ST7: variants seen among roughly 807,000 people sequenced by gnomAD.
ST7 encodes suppressor of tumorigenicity 7 protein.
ST7 carries 28 observed loss-of-function variants against 78.7 expected under a neutral mutation model. The ratio of observed to expected loss-of-function variants is 0.36; its 90% CI spans 0.26 to 0.49. The LOEUF is 0.49. Among genes scored for constraint, ST7 ranks in the 20% least tolerant of loss-of-function variants. ST7 has a pLI of 0.99. For missense variants in ST7, 418 were observed against 696.0 expected, an observed-to-expected ratio of 0.60 and a Z score of 4.49; for synonymous variants, 247 against 249.6, an observed-to-expected ratio of 0.99 and a Z score of 0.10.
At chr7:117,121,686 G>A in intron 3 of ST7, among the ~76,000 whole-genome samples, 1 of 152,080 alleles carries the variant, frequency 6.6e-6, no homozygotes, top group Admixed American at 6.6e-5. Flanking sequence ...CCTTAGATTT[G>A]TATGTTTTCC....
intron 10 of ST7, among the ~76,000 whole-genome samples, chr7:117,183,587 C>T (rs1808966724): frequency 6.6e-6 from 1 of 152,130 alleles, no homozygotes; most frequent in Admixed American, 6.5e-5. Context: ...TTGCCTCATA[C>T]TCCCTTCTAG....
chr7:117,215,547 T>C (rs1489427397), intron 13 of ST7, among the ~76,000 whole-genome samples: 4 of 152,232 alleles, frequency 2.6e-5, no homozygotes, highest in African/African-American at 9.6e-5. Flanking sequence ...ACCAGCCTTT[T>C]GAGGCCTGTG....
intron 1 of ST7, among the ~76,000 whole-genome samples, chr7:116,960,964 G>T (rs1792795460): frequency 6.6e-6 from 1 of 152,132 alleles, no homozygotes; most frequent in South Asian, 2.1e-4. Context: ...TTACATTTAA[G>T]TCTCTAATCC....
intron 12 of ST7, among the ~76,000 whole-genome samples, chr7:117,203,977 A>G (rs1229863202): frequency 6.6e-6 from 1 of 152,246 alleles, no homozygotes; most frequent in Non-Finnish European, 1.5e-5. Flanking sequence ...TGAACAGAGA[A>G]GTGAACCAGG....
intron 2 of ST7, 138 bp from the exon 3 acceptor site, chr7:117,119,423 C>A: frequency 1.2e-6 from 1 of 847,578 alleles, no homozygotes; most frequent in Non-Finnish European, 1.7e-6. Context: ...TTACTAAAAT[C>A]TAATTTTTAG....
chr7:117,071,012 G>A (rs1231563807), intron 1 of ST7, among the ~76,000 whole-genome samples: 2 of 152,036 alleles, frequency 1.3e-5, no homozygotes, highest in African/African-American at 4.8e-5. Context: ...GAGGTCAGGA[G>A]ATCGAGACCA....
intron 1 of ST7, chr7:116,959,551 A>G (rs1314569291): frequency 1.2e-5 from 3 of 249,918 alleles, no homozygotes; most frequent in South Asian, 4.8e-5. Flanking sequence ...TTGGAACAAT[A>G]CAATTGATCA....
chr7:116,985,981 C>A (rs1008416146), intron 1 of ST7, among the ~76,000 whole-genome samples: 4 of 152,160 alleles, frequency 2.6e-5, no homozygotes, highest in African/African-American at 9.7e-5. Context: ...TACAGGCATG[C>A]ACCACCATGC....
chr7:117,144,649 A>C (rs1013037721), intron 9 of ST7, among the ~76,000 whole-genome samples: 2 of 150,702 alleles, frequency 1.3e-5, no homozygotes, highest in African/African-American at 4.9e-5. Flanking sequence ...AAAAAAAAAA[A>C]CCAAAATTCT....
At chr7:117,088,741 T>A (rs1016241019) in intron 1 of ST7, among the ~76,000 whole-genome samples, 12 of 152,184 alleles carry the variant, frequency 7.9e-5, no homozygotes, top group Non-Finnish European at 1.3e-4. Flanking sequence ...TCCTAGCACA[T>A]TTTGCATGGC....
chr7:117,131,806 A>T, intron 5 of ST7, 79 bp from the exon 6 acceptor site: 1 of 1,276,152 alleles, frequency 7.8e-7, no homozygotes, highest in Non-Finnish European at 1.1e-6. Context: ...TGACACTCCT[A>T]ATTTAGCTCT....
intron 1 of ST7, among the ~76,000 whole-genome samples, chr7:116,965,119 C>G (rs990390172): frequency 1.3e-5 from 2 of 152,268 alleles, no homozygotes; most frequent in Middle Eastern, 3.4e-3. Context: ...GCGGGCAGAT[C>G]ATGAGGTCAG....
intron 12 of ST7, among the ~76,000 whole-genome samples, chr7:117,200,138 A>G (rs1323793326): frequency 6.6e-6 from 1 of 152,186 alleles, no homozygotes; most frequent in Non-Finnish European, 1.5e-5. Flanking sequence ...TTGTACAAAA[A>G]CAAATAATTT....
At position 117,130,584 on chromosome 7, in the gene ST7, C is replaced by T. The variant is rs769562962; in HGVS notation, c.543C>T (p.Asp181=). The change falls in exon 5 of 16, where the codon GAC becomes GAT. Residue 181 remains aspartate (D), a synonymous_variant. Transcript: ENST00000323984. The part of the protein sequence containing the change: ...DHQTFFTCDS[D]HLRPADAIMQ... ...AGACATTCTTTACTTGTGACTCGGA[C>T]CATCTGCGTCCCGCAGATGCAAGTA... The T allele has an allele frequency of 6.2e-7, 1 of 1,610,388 alleles. No homozygotes were observed. The highest frequency in any genetic ancestry group is 1.1e-5 in the South Asian group (1 of 90,896).
chr7:117,001,150 A>G (rs1264894320), intron 1 of ST7, among the ~76,000 whole-genome samples: 2 of 152,226 alleles, frequency 1.3e-5, no homozygotes, highest in Non-Finnish European at 2.9e-5. Context: ...TAGATGATTT[A>G]AAAACTGCTG....
At chr7:116,985,364 A>G (rs1314770469) in intron 1 of ST7, among the ~76,000 whole-genome samples, 1 of 152,204 alleles carries the variant, frequency 6.6e-6, no homozygotes, top group Non-Finnish European at 1.5e-5. Flanking sequence ...TATCAAGATA[A>G]TTAAGCAACC....
intron 12 of ST7, among the ~76,000 whole-genome samples, chr7:117,201,384 C>G (rs1280290665): frequency 6.6e-6 from 1 of 152,080 alleles, no homozygotes; most frequent in African/African-American, 2.4e-5. Flanking sequence ...CCCAAGACTA[C>G]TCCCATACAG....
chr7:117,143,325 G>T (rs997353855), intron 9 of ST7, among the ~76,000 whole-genome samples: 1 of 151,938 alleles, frequency 6.6e-6, no homozygotes, highest in Non-Finnish European at 1.5e-5. Flanking sequence ...CTGTATCCTG[G>T]CCTCTCATTT....
At chr7:116,965,542 C>T (rs1041017119) in intron 1 of ST7, among the ~76,000 whole-genome samples, 6 of 152,056 alleles carry the variant, frequency 3.9e-5, no homozygotes, top group African/African-American at 1.2e-4. Context: ...CAAACCTGCA[C>T]GTTCTGCACA....
Sources: allele counts gnomAD v4.1 joint callset (sites outside exome capture counted in the v4.1 genomes callset), GRCh38; gene constraint gnomAD v4.1.1; transcripts MANE v1.5; gene names NCBI Gene and HGNC (gene_info 2026-07-23, HGNC 2026-07-21).